Variants in EHMT1 observed in about 807,000 individuals in gnomAD.
EHMT1 encodes the protein histone-lysine N-methyltransferase EHMT1.
A neutral mutation model predicts 147.2 loss-of-function variants in EHMT1; 15 were observed. The ratio of observed to expected loss-of-function variants is 0.10; its 90% CI spans 0.07 to 0.16. EHMT1 has a LOEUF of 0.16. EHMT1 is among the 10% of genes least tolerant of loss of function. EHMT1 has a pLI of 1.00. For missense variants in EHMT1, 1,587 were observed against 1,772.4 expected (o/e 0.90, Z 1.88); for synonymous variants, 795 against 709.6 (o/e 1.12, Z -1.91).
chr9:137,833,984 G>T, intron 25 of EHMT1: 2 of 304,518 alleles, frequency 6.6e-6, no homozygotes, highest in South Asian at 3.9e-5. Flanking sequence ...TTGCAGCCCC[G>T]GCCTCCTTTC....
chr9:137,675,726 C>T (rs1201013304), intron 1 of EHMT1, among the ~76,000 whole-genome samples: 4 of 150,144 alleles, frequency 2.7e-5, no homozygotes, highest in African/African-American at 7.4e-5. Context: ...ATTCTCCTGC[C>T]TCAGCCTCCT....
chr9:137,625,589 C>G (rs948455434), intron 1 of EHMT1, among the ~76,000 whole-genome samples: 1 of 152,028 alleles, frequency 6.6e-6, no homozygotes, highest in South Asian at 2.1e-4. Context: ...CTGCCCGCCT[C>G]GGCCTCCCAA....
chr9:137,661,616 G>T (rs1939091906), intron 1 of EHMT1, among the ~76,000 whole-genome samples: 4 of 151,318 alleles, frequency 2.6e-5, no homozygotes, highest in Admixed American at 2.6e-4. Context: ...CTCCCGAGTA[G>T]CTGGGACTAC....
chr9:137,702,179 C>T (rs893892140), intron 1 of EHMT1, among the ~76,000 whole-genome samples: 6 of 152,166 alleles, frequency 3.9e-5, no homozygotes, highest in Non-Finnish European at 7.3e-5. Flanking sequence ...CCACCCACCT[C>T]GGCCTCCCAA....
chr9:137,760,944 T>A (rs4979637), intron 9 of EHMT1, among the ~76,000 whole-genome samples: 42,830 of 152,118 alleles, frequency 0.28, 6,536 homozygotes, highest in Admixed American at 0.41. Context: ...GGGGCAGAGC[T>A]TGCAGTGAGC....
chr9:137,736,753 T>C (rs564180176), intron 4 of EHMT1, among the ~76,000 whole-genome samples: 2 of 152,084 alleles, frequency 1.3e-5, no homozygotes, highest in Non-Finnish European at 2.9e-5. Flanking sequence ...TAGCTGGGCG[T>C]GGTGGCACGT....
chr9:137,623,259 T>G (rs1020870250), intron 1 of EHMT1, among the ~76,000 whole-genome samples: 1 of 151,704 alleles, frequency 6.6e-6, no homozygotes, highest in Admixed American at 6.6e-5. Flanking sequence ...CTCTGCCTGG[T>G]ACACAGCATC....
intron 4 of EHMT1, among the ~76,000 whole-genome samples, chr9:137,739,944 A>G (rs1192332261): frequency 6.6e-6 from 1 of 152,118 alleles, no homozygotes; most frequent in Non-Finnish European, 1.5e-5. Flanking sequence ...TGAGGCCTGG[A>G]CATAGAGCTG....
At chr9:137,621,437 C>G (rs779226154) in intron 1 of EHMT1, among the ~76,000 whole-genome samples, 79 of 152,176 alleles carry the variant, frequency 5.2e-4, no homozygotes, top group Non-Finnish European at 9.7e-4. Flanking sequence ...TGGCTCATGC[C>G]TGTAATCCTA....
chr9:137,719,377 G>A (rs1945701481), intron 3 of EHMT1, among the ~76,000 whole-genome samples: 1 of 151,948 alleles, frequency 6.6e-6, no homozygotes, highest in Non-Finnish European at 1.5e-5. Context: ...TCAGGGGGTG[G>A]TGGGTGCGTT....
chr9:137,833,086 T>G (rs1956334176), intron 25 of EHMT1: 1 of 152,380 alleles, frequency 6.6e-6, no homozygotes, highest in South Asian at 2.1e-4. Flanking sequence ...CCGTGAAGGT[T>G]GACGGAGAGC....
At chr9:137,674,723 C>T (rs1241749924) in intron 1 of EHMT1, among the ~76,000 whole-genome samples, 1 of 152,168 alleles carries the variant, frequency 6.6e-6, no homozygotes, top group East Asian at 1.9e-4. Flanking sequence ...ATTGGGGCTC[C>T]TTTTGTAAGT....
At chr9:137,703,012 CTGGGTTAACACCA>C (rs1943965413) in intron 1 of EHMT1, among the ~76,000 whole-genome samples, 1 of 152,234 alleles carries the variant, frequency 6.6e-6, no homozygotes, top group Non-Finnish European at 1.5e-5. Flanking sequence ...TGTGCACCTG[CTGGGTTAACACCA>C]TGTAGAAGCC....
intron 1 of EHMT1, among the ~76,000 whole-genome samples, chr9:137,644,449 C>T (rs1453192083): frequency 1.3e-5 from 2 of 151,988 alleles, no homozygotes; most frequent in African/African-American, 2.4e-5. Flanking sequence ...CTCAGCCTCC[C>T]GAGCAGCTGG....
In EHMT1 at chr9:137,716,895, G is replaced by C; in HGVS notation, c.355G>C (p.Val119Leu). 6.2e-7 allele frequency: 1 copy of C among 1,613,152 alleles called. No individual in the cohort carries two copies. Among genetic ancestry groups the C allele is most frequent in the East Asian group, 2.2e-5 (1 of 44,882 alleles). The part of the protein sequence containing the change: ...VTADDFVQTS[V>L]IGSNGYILNK... ...TGCCGACGACTTTGTGCAGACTTCTGTCATCGGCAGCAACGGATACATCTT... is the reference window on the plus strand; with the variant it reads ...TGCCGACGACTTTGTGCAGACTTCTCTCATCGGCAGCAACGGATACATCTT... Residue 119 changes from valine to leucine, a missense_variant, in exon 3 of 27, where the codon GTC (valine) becomes CTC (leucine). Physicochemically the swap from Val to Leu is conservative, Grantham distance 32. Transcript: ENST00000460843.
chr9:137,733,819 C>T (rs760520790), intron 4 of EHMT1, among the ~76,000 whole-genome samples: 3 of 152,156 alleles, frequency 2.0e-5, no homozygotes, highest in Admixed American at 6.5e-5. Context: ...TCAGAAGCAA[C>T]TGTGTATATG....
chr9:137,781,563 A>G (rs1361634346), intron 14 of EHMT1, among the ~76,000 whole-genome samples: 3 of 152,200 alleles, frequency 2.0e-5, no homozygotes, highest in East Asian at 3.8e-4. Flanking sequence ...GGCTTCAGCT[A>G]TAGGTATTTT....
intron 4 of EHMT1, among the ~76,000 whole-genome samples, chr9:137,741,303 T>C (rs1026432347): frequency 6.6e-6 from 1 of 152,178 alleles, no homozygotes; most frequent in Admixed American, 6.5e-5. Context: ...GCACATGAAA[T>C]GCAGGGTTAT....
intron 21 of EHMT1, chr9:137,814,134 C>T (rs1954736244): frequency 4.7e-6 from 2 of 424,088 alleles, no homozygotes; most frequent in African/African-American, 2.1e-5. Context: ...AGCATCTGGC[C>T]ACAAATGCAG....
Sources: allele counts gnomAD v4.1 joint callset (sites outside exome capture counted in the v4.1 genomes callset), GRCh38; gene constraint gnomAD v4.1.1; transcripts MANE v1.5; gene names NCBI Gene and HGNC (gene_info 2026-07-23, HGNC 2026-07-21).